Variants in FMO5 observed in about 807,000 individuals in gnomAD.
FMO5 encodes the protein flavin containing dimethylaniline monoxygenase 5, also known as flavin-containing monooxygenase 5.
A neutral mutation model predicts 43.6 loss-of-function variants in FMO5; 51 were observed. That is an observed-to-expected ratio of 1.17 (90% CI 0.93 to 1.48). FMO5 has a LOEUF of 1.48. Among genes scored for constraint, FMO5 ranks in the 40% most tolerant of loss-of-function variants. FMO5 has a pLI of 0.00. For synonymous variants in FMO5, 187 were observed against 216.5 expected, an observed-to-expected ratio of 0.86 and a Z score of 1.20; for missense variants, 644 against 643.0, an observed-to-expected ratio of 1.00 and a Z score of -0.02.
In FMO5 at chr1:147,186,903, G is replaced by A; in HGVS notation, c.1599C>T (p.Phe533=). 6.2e-7 allele frequency: 1 copy of A among 1,611,272 alleles called. No individual in the cohort carries two copies. The highest frequency in any genetic ancestry group is 8.5e-7 in the Non-Finnish European group (1 of 1,178,690). The part of the protein sequence containing the change: ...LAFFAIIIAY[F] ...CAGGGCAGTGACAATAGGACAACTA[G>A]AAGTAAGCTATAATTATAGCAAAGA... The change falls in exon 9 of 9, where the codon TTC becomes TTT. Residue 533 remains phenylalanine, a synonymous_variant. Coordinates refer to ENST00000254090, the MANE Select transcript of FMO5 (RefSeq NM_001461.4).
At position 147,186,640 on chromosome 1, in the gene FMO5, G is replaced by GGACCGGGCGCGGTGGCTCACGCCTGTA; in HGVS notation, c.*259_*260insTACAGGCGTGAGCCACCGCGCCCGGTC. The GGACCGGGCGCGGTGGCTCACGCCTGTA allele has an allele frequency of 8.0e-7, 1 of 1,247,698 alleles. No homozygotes were observed. Among genetic ancestry groups the GGACCGGGCGCGGTGGCTCACGCCTGTA allele is most frequent in the Middle Eastern group, 3.1e-4 (1 of 3,212 alleles). The allele number at this position is 1,247,698 out of a possible 1,614,324, so 77.3% of individuals were successfully genotyped here. A position where few individuals can be genotyped will look rare whatever the true frequency, so the allele number is the denominator to read the frequency against. On this transcript the variant is annotated 3_prime_UTR_variant, in exon 9 of 9. Transcript: ENST00000254090. ...AAGAACTCTGCTAAAGACATACAAA[G>GGACCGGGCGCGGTGGCTCACGCCTGTA]ATGACTAAAAGAGTACCTGAGCTCC...
At chr1:147,220,218 A>G (rs1312090762) in intron 2 of FMO5, among the ~76,000 whole-genome samples, 1 of 152,232 alleles carries the variant, frequency 6.6e-6, no homozygotes, top group Non-Finnish European at 1.5e-5. Context: ...CCCTGAAATT[A>G]CATACGTAGG....
chr1:147,184,548 T>C (rs782102088), downstream of FMO5: 8 of 1,548,774 alleles, frequency 5.2e-6, no homozygotes, highest in African/African-American at 9.6e-5. The surrounding 1 kb of genome is among the most constrained non-coding windows in gnomAD (Gnocchi z 4.4). Flanking sequence ...TCTTTGTTGA[T>C]GATCTTGACA....
intron 2 of FMO5, among the ~76,000 whole-genome samples, chr1:147,223,192 C>T (rs961654341): frequency 5.3e-5 from 8 of 152,158 alleles, no homozygotes; most frequent in Non-Finnish European, 1.0e-4. Context: ...AACCTCCATA[C>T]CATATTGTGG....
At chr1:147,190,643 A>G (rs17355796) in intron 7 of FMO5, among the ~76,000 whole-genome samples, 5,607 of 152,168 alleles carry the variant, frequency 0.037, 153 homozygotes, top group South Asian at 0.095. Flanking sequence ...TAACAAAGGG[A>G]CCTTATATCA....
Position 147,222,018 on chromosome 1 carries a change from C to T in FMO5, c.135+2877G>A, listed in dbSNP as rs991492375. Reference sequence around the variant, plus strand: ...AAATCTTCTCTCTACAAACTCTATACACTGATTATATTTCCTACCTAGGCA... The same window carrying T: ...AAATCTTCTCTCTACAAACTCTATATACTGATTATATTTCCTACCTAGGCA... On this transcript the variant is annotated intron_variant, in intron 2 of 8. Coordinates refer to ENST00000254090, the MANE Select transcript of FMO5 (RefSeq NM_001461.4). Among the ~76,000 whole-genome samples, 4 of 152,180 alleles carry T rather than the reference C, an allele frequency of 2.6e-5. No homozygotes were observed. In the East Asian group the frequency reaches 5.8e-4, roughly 22 times the overall value.
chr1:147,201,361 G>A lies in FMO5; in HGVS notation c.974C>T (p.Ala325Val), dbSNP rs781998990. ...GCTATAGCCTGTGGCAAAGATAACA[G>A]CATCAATGTCATCCTCCCTGGAGCC... ...EDGSREDDIDAVIFATGYSFD... is the reference protein window; with the variant it reads ...EDGSREDDIDVVIFATGYSFD... The change falls in exon 7 of 9, where the codon GCT becomes GTT. Residue 325 changes from alanine to valine, a missense_variant. Physicochemically the swap from Ala to Val is moderately conservative, Grantham distance 64. Coordinates refer to ENST00000254090, the MANE Select transcript of FMO5 (RefSeq NM_001461.4). 14 of 1,614,184 alleles carry A rather than the reference G, an allele frequency of 8.7e-6. No individual in the cohort carries two copies. In the South Asian group the frequency reaches 1.2e-4, roughly 14 times the overall value.
At chr1:147,190,705 T>C (rs1553918263) in intron 7 of FMO5, among the ~76,000 whole-genome samples, 1 of 152,112 alleles carries the variant, frequency 6.6e-6, no homozygotes, top group Non-Finnish European at 1.5e-5. Context: ...TATTATACCT[T>C]AAGTTTTAGG....
Position 147,212,519 on chromosome 1 carries a change from T to C in FMO5, c.504A>G (p.Lys168=), listed in dbSNP as rs782787091. 6.2e-7 allele frequency: 1 copy of C among 1,612,900 alleles called. No individual in the cohort carries two copies. Residue 168 remains lysine (K), a synonymous_variant, in exon 5 of 9, where the codon AAA becomes AAG. Transcript: ENST00000254090. ...AGTCTCGACTGTGGAAGTACTGCCC[T>C]TTGAACTTCTCAATTCCTGCAAGAG... is the stretch of plus-strand genomic sequence containing the variant. ...LESFPGIEKF[K]GQYFHSRDYK...
At chr1:147,221,255 G>T (rs1662962650) in intron 2 of FMO5, among the ~76,000 whole-genome samples, 1 of 152,140 alleles carries the variant, frequency 6.6e-6, no homozygotes, top group Admixed American at 6.5e-5. Flanking sequence ...AGGAAAAACT[G>T]AGTAAATCTG....
At chr1:147,187,400 G>A (rs915965889) in intron 8 of FMO5, among the ~76,000 whole-genome samples, 155 bp from the exon 9 acceptor site, 1 of 152,180 alleles carries the variant, frequency 6.6e-6, no homozygotes, top group South Asian at 2.1e-4. Context: ...TGTCCTTAAG[G>A]ATCTTAGGAC....
At chr1:147,208,607 T>G in intron 6 of FMO5, 10 of 343,624 alleles carry the variant, frequency 2.9e-5, no homozygotes, top group Non-Finnish European at 4.5e-5. Context: ...ACCTGGCTAA[T>G]TTTGTGTTTT....
At chr1:147,197,373 T>C (rs782496376) in intron 7 of FMO5, among the ~76,000 whole-genome samples, 1 of 152,180 alleles carries the variant, frequency 6.6e-6, no homozygotes, top group Non-Finnish European at 1.5e-5. Flanking sequence ...AAATATCTGC[T>C]GAATGAACAA....
At chr1:147,214,466 C>CAAAA (rs11339668) in intron 3 of FMO5, among the ~76,000 whole-genome samples, 3 of 148,308 alleles carry the variant, frequency 2.0e-5, no homozygotes, top group African/African-American at 7.4e-5. Context: ...AAACAAAAAA[C>CAAAA]AAAAAAAAAA....
Position 147,213,170 on chromosome 1 carries a change from C to T in FMO5, c.487+138G>A, listed in dbSNP as rs927535733. 9.6e-5 allele frequency: 70 copies of T among 726,826 alleles called. No homozygotes were observed. In the African/African-American group the frequency reaches 1.3e-3, roughly 13 times the overall value. The allele number at this position is 726,826 out of a possible 1,614,324, so 45.0% of individuals were successfully genotyped here. On this transcript the variant is annotated intron_variant, in intron 4 of 8. Coordinates refer to ENST00000254090, the MANE Select transcript of FMO5 (RefSeq NM_001461.4). ...CAGTAATACAAGTTACCCCAACATCCTTCTGGGGAACAAGAATAATTAGGA... is the reference window on the plus strand; with the variant it reads ...CAGTAATACAAGTTACCCCAACATCTTTCTGGGGAACAAGAATAATTAGGA...
chr1:147,201,085 A>T, intron 7 of FMO5, 67 bp downstream of exon 7: 1 of 1,138,816 alleles, frequency 8.8e-7, no homozygotes, highest in Non-Finnish European at 1.3e-6. Context: ...CTATTTAAAA[A>T]CAAGTACCTA....
At position 147,225,041 on chromosome 1, in the gene FMO5, A is replaced by T; in HGVS notation, c.-12T>A. On this transcript the variant is annotated 5_prime_UTR_variant, in exon 2 of 9. Coordinates refer to ENST00000254090, the MANE Select transcript of FMO5 (RefSeq NM_001461.4). ...CTTTTCTTAGTCATGGTCTCCCGAGATCTTCACCTGTTAGTGTCGCCTGTC... is the reference window on the plus strand; with the variant it reads ...CTTTTCTTAGTCATGGTCTCCCGAGTTCTTCACCTGTTAGTGTCGCCTGTC... The T allele has an allele frequency of 6.2e-7, 1 of 1,614,090 alleles. No homozygotes were observed. The highest frequency in any genetic ancestry group is 8.5e-7 in the Non-Finnish European group (1 of 1,179,988).
chr1:147,205,718 C>G (rs587741810), intron 6 of FMO5, among the ~76,000 whole-genome samples: 11 of 152,184 alleles, frequency 7.2e-5, no homozygotes, highest in South Asian at 2.1e-4. Flanking sequence ...GCCATATGTA[C>G]AAAGCTGAAA....
intron 2 of FMO5, among the ~76,000 whole-genome samples, chr1:147,218,332 T>C (rs1290665619): frequency 1.3e-5 from 2 of 151,536 alleles, no homozygotes; most frequent in African/African-American, 4.9e-5. Context: ...GCCTCCTGGG[T>C]TCAAGCAATT....
Sources: allele counts gnomAD v4.1 joint callset (sites outside exome capture counted in the v4.1 genomes callset), GRCh38; gene constraint gnomAD v4.1.1; non-coding constraint Gnocchi (gnomAD v3.1); transcripts MANE v1.5; gene names NCBI Gene and HGNC (gene_info 2026-07-23, HGNC 2026-07-21).